Variants in ATP11A observed in about 807,000 individuals in gnomAD.
The protein encoded by ATP11A is phospholipid-transporting ATPase IH.
A neutral mutation model predicts 154.4 loss-of-function variants in ATP11A; 81 were observed. The observed-to-expected ratio is 0.52, with a 90% CI of 0.44 to 0.63. The LOEUF (loss-of-function observed/expected upper bound fraction) is 0.63, where lower values mean the gene tolerates loss of function less well. Ranked by LOEUF, ATP11A falls within the 30% of genes least tolerant of loss-of-function variation. ATP11A has a pLI of 0.00. For missense variants in ATP11A, 1,316 were observed against 1,474.3 expected (o/e 0.89, Z 1.76); for synonymous variants, 623 against 585.9 (o/e 1.06, Z -0.91).
In ATP11A at chr13:112,697,164, G is replaced by A. The variant is rs144638548; in HGVS notation, c.39+6709G>A. ...CCTTCCGTGGGCTGCTTCCTGTGGC[G>A]TCCTGCGGGCTGGCCGCCCCTCGGT... On this transcript the variant is annotated intron_variant, in intron 1 of 29. Transcript: ENST00000375645. This position sits in a 1 kb window ranked among gnomAD's most constrained non-coding sequence, Gnocchi z 4.0. Among the ~76,000 whole-genome samples, 104 of 152,292 alleles carry A rather than the reference G, an allele frequency of 6.8e-4. 1 individual carries two copies. In the East Asian group the frequency reaches 0.019, roughly 28 times the overall value.
intron 1 of ATP11A, among the ~76,000 whole-genome samples, chr13:112,774,660 CAG>C (rs1237040976): frequency 3.9e-5 from 6 of 152,366 alleles, no homozygotes; most frequent in African/African-American, 1.2e-4. Context: ...ACTGAGCAGA[CAG>C]GGGAGGCTTC....
At position 112,882,939 on chromosome 13, in the gene ATP11A, C is replaced by T. The variant is rs2080916607; in HGVS notation, c.*1073C>T. The T allele has an allele frequency of 5.0e-6, 2 of 399,068 alleles. No homozygotes were observed. Among genetic ancestry groups the T allele is most frequent in the Non-Finnish European group, 8.8e-6 (2 of 226,510 alleles). 24.7% of individuals were successfully genotyped at this position (399,068 alleles called of 1,614,324 possible). A position where few individuals can be genotyped will look rare whatever the true frequency, so the allele number is the denominator to read the frequency against. On this transcript the variant is annotated 3_prime_UTR_variant, in exon 30 of 30. Coordinates refer to ENST00000375645, the MANE Select transcript of ATP11A (RefSeq NM_015205.3). This position sits in a 1 kb window ranked among gnomAD's most constrained non-coding sequence, Gnocchi z 5.1. Reference sequence around the variant, plus strand: ...CAGGACACGGGTGGATCCCAACAGGCAGCACCGCACCTCTGCCCGCCTCCC... The same window carrying T: ...CAGGACACGGGTGGATCCCAACAGGTAGCACCGCACCTCTGCCCGCCTCCC...
rs1034075619 is a variant in ATP11A at position 112,869,000 on chromosome 13, C to T, written c.2992-2735C>T. Among the ~76,000 whole-genome samples, 43 of 152,000 alleles carry T rather than the reference C, an allele frequency of 2.8e-4. 1 individual carries two copies. The highest frequency in any genetic ancestry group is 1.0e-4 in the Non-Finnish European group (7 of 67,984). Reference sequence around the variant, plus strand: ...ACTCGCCCACCGTCAACGAGATCTGCAAGGAGGACGTCCATGATTCAGTCA... The same window carrying T: ...ACTCGCCCACCGTCAACGAGATCTGTAAGGAGGACGTCCATGATTCAGTCA... On this transcript the variant is annotated intron_variant, in intron 25 of 29. Coordinates refer to ENST00000375645, the MANE Select transcript of ATP11A (RefSeq NM_015205.3).
intron 28 of ATP11A, among the ~76,000 whole-genome samples, chr13:112,876,983 T>C (rs1442489372): frequency 6.6e-6 from 1 of 152,216 alleles, no homozygotes; most frequent in Non-Finnish European, 1.5e-5. Context: ...ATTTGAAATG[T>C]TGAAACCGAT....
intron 1 of ATP11A, among the ~76,000 whole-genome samples, chr13:112,720,804 C>T (rs181834296): frequency 6.6e-6 from 1 of 152,282 alleles, no homozygotes; most frequent in African/African-American, 2.4e-5. Context: ...GATCCACCTG[C>T]CTTGGCCTCT....
At chr13:112,842,560 C>T (rs1300906523) in intron 17 of ATP11A, among the ~76,000 whole-genome samples, 181 bp downstream of exon 17, 2 of 152,248 alleles carry the variant, frequency 1.3e-5, no homozygotes, top group African/African-American at 4.8e-5. Flanking sequence ...CCCCAGGGGG[C>T]CTCCGATACC....
At chr13:112,794,850 A>G (rs1370875051) in intron 2 of ATP11A, among the ~76,000 whole-genome samples, 3 of 152,056 alleles carry the variant, frequency 2.0e-5, no homozygotes, top group East Asian at 1.9e-4. Context: ...CCTGGGTGAC[A>G]GACAGAGTAA....
At position 112,885,432 on chromosome 13, in the gene ATP11A, A is replaced by G. The variant is rs1310437501; in HGVS notation, c.*3566A>G. 6.6e-6 allele frequency: 1 copy of G among 152,184 alleles called. No individual in the cohort carries two copies. Among genetic ancestry groups the G allele is most frequent in the Non-Finnish European group, 1.5e-5 (1 of 68,056 alleles). 9.4% of individuals were successfully genotyped at this position (152,184 alleles called of 1,614,324 possible). A position where few individuals can be genotyped will look rare whatever the true frequency, so the allele number is the denominator to read the frequency against. On this transcript the variant is annotated 3_prime_UTR_variant, in exon 30 of 30. Coordinates refer to ENST00000375645, the MANE Select transcript of ATP11A (RefSeq NM_015205.3). ...GTGTACACCACAAATGAGTTCCCAG[A>G]CGTGTAAACACACGTGCACACATCG...
In ATP11A at chr13:112,883,284, A is replaced by G. The variant is rs1213953009; in HGVS notation, c.*1418A>G. Reference sequence around the variant, plus strand: ...ATAGGAAGTCCCTGTTGTTCTCCGTACTGGCATTTCTATTTCTAGAAATAA... The same window carrying G: ...ATAGGAAGTCCCTGTTGTTCTCCGTGCTGGCATTTCTATTTCTAGAAATAA... On this transcript the variant is annotated 3_prime_UTR_variant, in exon 30 of 30. Coordinates refer to ENST00000375645, the MANE Select transcript of ATP11A (RefSeq NM_015205.3). 1.0e-5 allele frequency: 4 copies of G among 398,464 alleles called. No individual in the cohort carries two copies. The Admixed American group carries it at 1.3e-4, about 13-fold the overall frequency. The allele number at this position is 398,464 out of a possible 1,614,324, so 24.7% of individuals were successfully genotyped here.
Position 112,719,231 on chromosome 13 carries a change from C to T in ATP11A, c.39+28776C>T, listed in dbSNP as rs535931387. ...GGGGCCCTCAGGATGCCCTGTGACG[C>T]GCAGGCAGGAAATTATGATGGTGTG... On this transcript the variant is annotated intron_variant, in intron 1 of 29. Transcript: ENST00000375645. 1.8e-3 allele frequency among the ~76,000 whole-genome samples: 274 copies of T among 151,986 alleles called. 2 individuals carry two copies. Among genetic ancestry groups the T allele is most frequent in the Non-Finnish European group, 3.2e-3 (217 of 67,996 alleles).
intron 10 of ATP11A, among the ~76,000 whole-genome samples, chr13:112,824,737 A>C (rs1247044910): frequency 6.6e-6 from 1 of 152,194 alleles, no homozygotes; most frequent in Non-Finnish European, 1.5e-5. Context: ...AAAAACTCCA[A>C]ATGGGCTTAC....
At chr13:112,860,216 T>C in intron 23 of ATP11A, 71 bp from the exon 24 acceptor site, 1 of 1,539,430 alleles carries the variant, frequency 6.5e-7, no homozygotes, top group Non-Finnish European at 8.8e-7. Flanking sequence ...AGAAAATATA[T>C]TTAATCAAAA....
rs117483821 is a variant in ATP11A, at chr13:112,788,977, A to G, written c.162+3720A>G. 1.4e-4 allele frequency among the ~76,000 whole-genome samples: 21 copies of G among 151,540 alleles called. No homozygotes were observed. In the East Asian group the frequency reaches 4.1e-3, roughly 30 times the overall value. ...TCACACCTGGCATCTTGACGTGTAGACTCCTATGTAGACATACTTAATTCA... is the reference window on the plus strand; with the variant it reads ...TCACACCTGGCATCTTGACGTGTAGGCTCCTATGTAGACATACTTAATTCA... On this transcript the variant is annotated intron_variant, in intron 2 of 29. Transcript: ENST00000375645.
At chr13:112,791,076 G>T (rs576261644) in intron 2 of ATP11A, among the ~76,000 whole-genome samples, 1 of 152,336 alleles carries the variant, frequency 6.6e-6, no homozygotes, top group East Asian at 1.9e-4. Flanking sequence ...CTCAGGCGGA[G>T]CTCACTGAAG....
chr13:112,813,912 CT>C (rs2078572043), intron 5 of ATP11A, among the ~76,000 whole-genome samples: 1 of 151,612 alleles, frequency 6.6e-6, no homozygotes. Flanking sequence ...CTTTGAGCTT[CT>C]TTTTACTGTT....
intron 1 of ATP11A, among the ~76,000 whole-genome samples, chr13:112,695,070 C>T (rs1449118925): frequency 6.6e-6 from 1 of 152,148 alleles, no homozygotes; most frequent in Non-Finnish European, 1.5e-5. Flanking sequence ...ATGCCAGCCC[C>T]TGTTTTAAAA....
intron 1 of ATP11A, among the ~76,000 whole-genome samples, chr13:112,773,173 C>T (rs915778364): frequency 6.6e-6 from 1 of 151,986 alleles, no homozygotes. Flanking sequence ...TTTCTCATCG[C>T]CTCTGGGTTC....
intron 23 of ATP11A, among the ~76,000 whole-genome samples, 187 bp from the exon 24 acceptor site, chr13:112,860,100 T>C (rs1359374445): frequency 6.6e-6 from 1 of 152,158 alleles, no homozygotes. Context: ...GTGTTAGGCT[T>C]TTTGCCAGCT....
intron 2 of ATP11A, among the ~76,000 whole-genome samples, chr13:112,799,370 C>G (rs981590445): frequency 6.6e-6 from 1 of 152,178 alleles, no homozygotes; most frequent in Non-Finnish European, 1.5e-5. Flanking sequence ...TGTTTATTCA[C>G]TTGGATGCAA....
Sources: gnomAD v4.1 joint callset for allele counts (sites outside exome capture counted in the v4.1 genomes callset) on GRCh38, gnomAD v4.1.1 for gene constraint, Gnocchi (gnomAD v3.1) non-coding constraint, MANE v1.5 for transcripts, NCBI Gene and HGNC (gene_info 2026-07-23, HGNC 2026-07-21) for gene names.